Variants in ENAH observed in about 807,000 individuals in gnomAD.
The protein encoded by ENAH is protein enabled homolog.
Under a neutral mutation model 78.7 loss-of-function variants are expected in ENAH, and 23 were observed. The observed-to-expected ratio is 0.29, with a 90% CI of 0.21 to 0.41. The LOEUF is 0.41. ENAH is among the 10% of genes least tolerant of loss of function. ENAH has a pLI of 1.00. For missense variants in ENAH, 544 were observed against 691.0 expected (o/e 0.79, Z 2.39); for synonymous variants, 226 against 241.0 (o/e 0.94, Z 0.58).
chr1:225,592,044 G>A (rs1388903624), intron 1 of ENAH, among the ~76,000 whole-genome samples: 1 of 152,122 alleles, frequency 6.6e-6, no homozygotes, highest in African/African-American at 2.4e-5. Flanking sequence ...TGGATCTGTT[G>A]TGAGAATAAA....
chr1:225,581,182 A>G (rs1387153456), intron 1 of ENAH: 6 of 705,552 alleles, frequency 8.5e-6, no homozygotes, highest in Non-Finnish European at 1.0e-5. Context: ...GGCAACACAT[A>G]CTTCCCTATC....
In ENAH at chr1:225,581,253, G is replaced by T. The variant is rs1336914195; in HGVS notation, c.6-13839C>A. ...AGTAACTGAATAGATTATTTCACCT[G>T]TTTCCTGTAGTTCTTCTTTTCCTCA... On this transcript the variant is annotated intron_variant, in intron 1 of 13. Transcript: ENST00000366843. 3.1e-6 allele frequency: 3 copies of T among 982,116 alleles called. No homozygotes were observed. In the East Asian group the frequency reaches 3.4e-4, roughly 111 times the overall value. The allele number at this position is 982,116 out of a possible 1,614,324, so 60.8% of individuals were successfully genotyped here. A position where few individuals can be genotyped will look rare whatever the true frequency, so the allele number is the denominator to read the frequency against.
intron 1 of ENAH, among the ~76,000 whole-genome samples, chr1:225,643,771 G>A (rs568147622): frequency 7.3e-4 from 111 of 152,022 alleles, no homozygotes; most frequent in African/African-American, 2.7e-3. Context: ...CCTTGTCTCT[G>A]CACAAAAATC....
chr1:225,537,460 G>A (rs888471708), intron 3 of ENAH, among the ~76,000 whole-genome samples: 31 of 152,130 alleles, frequency 2.0e-4, no homozygotes, highest in Admixed American at 9.2e-4. Context: ...ACTGCAGTTT[G>A]CATTTCCTGA....
intron 1 of ENAH, among the ~76,000 whole-genome samples, chr1:225,626,921 T>A (rs1045943098): frequency 6.6e-6 from 1 of 152,184 alleles, no homozygotes; most frequent in Admixed American, 6.5e-5. Flanking sequence ...AGCTGACATA[T>A]GAGACACTAA....
At chr1:225,558,582 C>T (rs370530183) in intron 2 of ENAH, among the ~76,000 whole-genome samples, 7 of 149,512 alleles carry the variant, frequency 4.7e-5, no homozygotes, top group African/African-American at 1.7e-4. Flanking sequence ...TAGAGACAAA[C>T]CTCTCCTCCT....
At chr1:225,540,120 G>A (rs1354205749) in intron 3 of ENAH, among the ~76,000 whole-genome samples, 1 of 152,080 alleles carries the variant, frequency 6.6e-6, no homozygotes, top group African/African-American at 2.4e-5. Context: ...AAGCAAAAAG[G>A]TTCAAACTTA....
At chr1:225,562,601 A>AAAC (rs1558819814) in intron 2 of ENAH, among the ~76,000 whole-genome samples, 2 of 133,430 alleles carry the variant, frequency 1.5e-5, no homozygotes, top group South Asian at 2.3e-4. Flanking sequence ...AAAAAAAAAA[A>AAAC]ACACACCCAA....
intron 1 of ENAH, among the ~76,000 whole-genome samples, chr1:225,584,805 A>G (rs1167484237): frequency 6.6e-6 from 1 of 152,262 alleles, no homozygotes; most frequent in East Asian, 1.9e-4. Context: ...GAATTGACAC[A>G]TTAGTATCAG....
intron 1 of ENAH, among the ~76,000 whole-genome samples, chr1:225,643,001 C>T (rs905080537): frequency 2.6e-5 from 4 of 152,164 alleles, no homozygotes; most frequent in Non-Finnish European, 5.9e-5. Context: ...TATCTGGTAA[C>T]GTGTATCAAA....
At chr1:225,553,158 C>G (rs1396534815) in intron 3 of ENAH, among the ~76,000 whole-genome samples, 1 of 152,036 alleles carries the variant, frequency 6.6e-6, no homozygotes, top group African/African-American at 2.4e-5. Context: ...CACTCGAACC[C>G]GGGAGGCAGA....
Position 225,499,508 on chromosome 1 carries a change from C to T in ENAH, c.1618-1104G>A, listed in dbSNP as rs550899336. On this transcript the variant is annotated intron_variant, in intron 12 of 13. Transcript: ENST00000366843. ...CCAACATGGTGAAACCCTGTCTCTACAAAAACTACAAAAGTTAGCCGGGCG... is the reference window on the plus strand; with the variant it reads ...CCAACATGGTGAAACCCTGTCTCTATAAAAACTACAAAAGTTAGCCGGGCG... Among the ~76,000 whole-genome samples the T allele has an allele frequency of 1.4e-4, 22 of 152,216 alleles. No homozygotes were observed. The South Asian group carries it at 4.6e-3, about 32-fold the overall frequency.
intron 6 of ENAH, among the ~76,000 whole-genome samples, 181 bp downstream of exon 6, chr1:225,517,015 C>G (rs995406565): frequency 1.3e-5 from 2 of 151,022 alleles, no homozygotes; most frequent in African/African-American, 4.9e-5. Context: ...TGCAATTAAT[C>G]CAACAGGAAA....
chr1:225,512,388 CT>C (rs1251267995), intron 9 of ENAH, among the ~76,000 whole-genome samples: 3 of 152,194 alleles, frequency 2.0e-5, no homozygotes, highest in Non-Finnish European at 2.9e-5. Context: ...ATGTCATTCA[CT>C]CATTTAAGGA....
intron 1 of ENAH, among the ~76,000 whole-genome samples, chr1:225,584,370 G>A (rs2096835029): frequency 6.6e-6 from 1 of 152,048 alleles, no homozygotes; most frequent in African/African-American, 2.4e-5. Flanking sequence ...TGGTAAAAGT[G>A]AAAGCAATAA....
At chr1:225,552,157 G>A (rs1290718779) in intron 3 of ENAH, among the ~76,000 whole-genome samples, 9 of 84,736 alleles carry the variant, frequency 1.1e-4, no homozygotes, top group Middle Eastern at 0.011. Flanking sequence ...TTTTTTTTGA[G>A]ACAGAGTCTT....
At chr1:225,520,339 A>G (rs1575387724) in intron 4 of ENAH, among the ~76,000 whole-genome samples, 1 of 151,864 alleles carries the variant, frequency 6.6e-6, no homozygotes, top group East Asian at 1.9e-4. Context: ...GTCAAGAAAG[A>G]AGAAATAAAC....
At chr1:225,542,166 G>A (rs76859729) in intron 3 of ENAH, among the ~76,000 whole-genome samples, 6,553 of 152,300 alleles carry the variant, frequency 0.043, 229 homozygotes, top group South Asian at 0.11. Flanking sequence ...ACAGGCATGA[G>A]CCACTGCGCC....
chr1:225,621,290 A>C (rs1280220902), intron 1 of ENAH, among the ~76,000 whole-genome samples: 2 of 144,918 alleles, frequency 1.4e-5, no homozygotes, highest in South Asian at 2.3e-4. Context: ...CTTTAAATCT[A>C]TCTCTCTTTT....
Sources: allele counts gnomAD v4.1 joint callset (sites outside exome capture counted in the v4.1 genomes callset), GRCh38; gene constraint gnomAD v4.1.1; transcripts MANE v1.5; gene names NCBI Gene and HGNC (gene_info 2026-07-23, HGNC 2026-07-21).